Variants in FAM163A observed in about 807,000 individuals in gnomAD.
The protein encoded by FAM163A is family with sequence similarity 163 member A.
Under a neutral mutation model 12.0 loss-of-function variants are expected in FAM163A, and 7 were observed. The ratio of observed to expected loss-of-function variants is 0.58; its 90% CI spans 0.33 to 1.10. The LOEUF (loss-of-function observed/expected upper bound fraction) is 1.10. Among genes scored for constraint, FAM163A ranks in the 50% least tolerant of loss-of-function variants. FAM163A has a pLI of 0.03. For missense variants in FAM163A, 202 were observed against 218.6 expected, an observed-to-expected ratio of 0.92 and a Z score of 0.48; for synonymous variants, 101 against 91.0, an observed-to-expected ratio of 1.11 and a Z score of -0.62.
At chr1:179,773,163 C>G (rs1688495593) in intron 1 of FAM163A, among the ~76,000 whole-genome samples, 1 of 151,552 alleles carries the variant, frequency 6.6e-6, no homozygotes. Flanking sequence ...CTTGAAATAA[C>G]AAAATTATAG....
chr1:179,747,604 T>C (rs1353950383), intron 1 of FAM163A, among the ~76,000 whole-genome samples: 4 of 152,204 alleles, frequency 2.6e-5, no homozygotes, highest in Admixed American at 6.5e-5. Flanking sequence ...CTCGGGTATA[T>C]GTGAGAGCCC....
intron 1 of FAM163A, among the ~76,000 whole-genome samples, chr1:179,763,047 A>G (rs144934435): frequency 5.9e-5 from 9 of 152,358 alleles, no homozygotes; most frequent in African/African-American, 1.9e-4. Flanking sequence ...TCAAAGAGGC[A>G]GCTTAGAATT....
At chr1:179,761,113 A>T (rs1296291766) in intron 1 of FAM163A, among the ~76,000 whole-genome samples, 1 of 152,244 alleles carries the variant, frequency 6.6e-6, no homozygotes, top group Non-Finnish European at 1.5e-5. Context: ...ATGAAAAAAT[A>T]GTCATGATAT....
chr1:179,729,643 T>C, the FAM163A span, among the ~76,000 whole-genome samples: 1 of 152,206 alleles, frequency 6.6e-6, no homozygotes, highest in Non-Finnish European at 1.5e-5. Context: ...AATCTAGCTA[T>C]CAGAGTAGCA....
intron 1 of FAM163A, among the ~76,000 whole-genome samples, chr1:179,754,177 A>T (rs1156831163): frequency 6.6e-6 from 1 of 152,026 alleles, no homozygotes; most frequent in African/African-American, 2.4e-5. Flanking sequence ...TCAGTGCTGA[A>T]GGATTTGTAT....
intron 1 of FAM163A, among the ~76,000 whole-genome samples, chr1:179,744,359 C>G (rs963730071): frequency 6.6e-6 from 1 of 152,018 alleles, no homozygotes; most frequent in African/African-American, 2.4e-5. Context: ...AGCGGGCAAG[C>G]AGAAGGCAGT....
chr1:179,811,834 C>T (rs1029117199), intron 2 of FAM163A, among the ~76,000 whole-genome samples: 3 of 152,132 alleles, frequency 2.0e-5, no homozygotes, highest in Non-Finnish European at 4.4e-5. Flanking sequence ...CCAGACAGGT[C>T]GGAGGAGAGG....
intron 1 of FAM163A, among the ~76,000 whole-genome samples, chr1:179,799,139 C>T (rs867137489): frequency 1.3e-5 from 2 of 149,470 alleles, no homozygotes; most frequent in Non-Finnish European, 2.9e-5. Context: ...TGTTTCACTG[C>T]TGAAAGAAGT....
intron 1 of FAM163A, among the ~76,000 whole-genome samples, chr1:179,784,643 C>A (rs1032114891): frequency 3.3e-5 from 5 of 152,178 alleles, no homozygotes; most frequent in African/African-American, 1.2e-4. Context: ...CTTGAGAAAG[C>A]ACAAAACCTG....
chr1:179,731,897 A>C, the FAM163A span, among the ~76,000 whole-genome samples: 1 of 152,244 alleles, frequency 6.6e-6, no homozygotes, highest in Non-Finnish European at 1.5e-5. Context: ...CAGTGCCAAC[A>C]ACCAAGTTCT....
At chr1:179,808,863 C>T (rs1694311455) in intron 2 of FAM163A, among the ~76,000 whole-genome samples, 1 of 152,124 alleles carries the variant, frequency 6.6e-6, no homozygotes, top group African/African-American at 2.4e-5. Flanking sequence ...CCAGCATTTG[C>T]ATCTAGTTGC....
intron 1 of FAM163A, among the ~76,000 whole-genome samples, chr1:179,792,047 C>T (rs992268863): frequency 4.6e-5 from 7 of 152,138 alleles, no homozygotes; most frequent in African/African-American, 1.7e-4. Flanking sequence ...AGACCAGGCT[C>T]CAAATCCTGA....
intron 1 of FAM163A, among the ~76,000 whole-genome samples, chr1:179,797,462 G>A (rs1292342608): frequency 6.6e-6 from 1 of 152,036 alleles, no homozygotes; most frequent in Non-Finnish European, 1.5e-5. Flanking sequence ...CAAAAAAAAG[G>A]GAAATAAGAC....
chr1:179,746,359 G>A (rs1241531292), intron 1 of FAM163A, among the ~76,000 whole-genome samples: 1 of 152,180 alleles, frequency 6.6e-6, no homozygotes, highest in African/African-American at 2.4e-5. Context: ...ATCAAAGGGG[G>A]ACTTGTTAAG....
At chr1:179,765,266 T>G (rs1003011710) in intron 1 of FAM163A, among the ~76,000 whole-genome samples, 1 of 152,226 alleles carries the variant, frequency 6.6e-6, no homozygotes, top group Non-Finnish European at 1.5e-5. Context: ...GACTTGAACA[T>G]GCACACACAG....
At chr1:179,804,088 C>T (rs539524851) in intron 1 of FAM163A, 3 of 152,062 alleles carry the variant, frequency 2.0e-5, no homozygotes, top group Admixed American at 6.5e-5. Flanking sequence ...CTCCCCTCCC[C>T]TGCTGCCTCC....
At chr1:179,798,003 G>A (rs897572290) in intron 1 of FAM163A, among the ~76,000 whole-genome samples, 9 of 152,196 alleles carry the variant, frequency 5.9e-5, no homozygotes, top group African/African-American at 2.2e-4. Flanking sequence ...ACCGAGGCAG[G>A]TAGATTGTCT....
intron 1 of FAM163A, among the ~76,000 whole-genome samples, chr1:179,794,130 G>T (rs1000159423): frequency 2.6e-5 from 4 of 152,192 alleles, no homozygotes; most frequent in African/African-American, 9.7e-5. Flanking sequence ...TGGCCACCTT[G>T]TGCCTCTGCT....
chr1:179,773,542 TCAAAA>T (rs962248796), intron 1 of FAM163A, among the ~76,000 whole-genome samples: 3 of 152,170 alleles, frequency 2.0e-5, no homozygotes, highest in Non-Finnish European at 2.9e-5. Context: ...TACAACTGTC[TCAAAA>T]CAAAACATTG....
Sources: gnomAD v4.1 joint callset for allele counts (sites outside exome capture counted in the v4.1 genomes callset) on GRCh38, gnomAD v4.1.1 for gene constraint, MANE v1.5 for transcripts, NCBI Gene and HGNC (gene_info 2026-07-23, HGNC 2026-07-21) for gene names.